KAT6A: variants seen among roughly 807,000 people sequenced by gnomAD.
KAT6A encodes lysine acetyltransferase 6A, also known as histone acetyltransferase KAT6A.
KAT6A carries 9 observed loss-of-function variants against 198.4 expected under a neutral mutation model. The observed-to-expected ratio is 0.05, with a 90% CI of 0.03 to 0.08. KAT6A has a LOEUF of 0.08. Ranked by LOEUF, KAT6A falls within the 10% of genes least tolerant of loss-of-function variation. The pLI is 1.00. For missense variants in KAT6A, 2,077 were observed against 2,509.9 expected, an observed-to-expected ratio of 0.83 and a Z score of 3.69; for synonymous variants, 890 against 883.0, an observed-to-expected ratio of 1.01 and a Z score of -0.14.
intron 2 of KAT6A, among the ~76,000 whole-genome samples, chr8:42,013,452 C>T (rs1350688995): frequency 6.6e-6 from 1 of 152,112 alleles, no homozygotes; most frequent in African/African-American, 2.4e-5. Context: ...CCAGGATGGT[C>T]TCCATCTCTT....
At chr8:41,938,856 AG>A (rs1050324943) in intron 15 of KAT6A, among the ~76,000 whole-genome samples, 2 of 146,846 alleles carry the variant, frequency 1.4e-5, no homozygotes, top group African/African-American at 5.0e-5. Context: ...CTGAGGTGGG[AG>A]CGTTGCTTGC....
At chr8:41,955,854 AC>A in intron 8 of KAT6A, among the ~76,000 whole-genome samples, 2 of 152,220 alleles carry the variant, frequency 1.3e-5, no homozygotes, top group African/African-American at 4.8e-5. Flanking sequence ...ATATGTAAGC[AC>A]ACAAAGGATG....
At chr8:41,975,875 TA>T (rs1334061359) in intron 7 of KAT6A, among the ~76,000 whole-genome samples, 1 of 152,218 alleles carries the variant, frequency 6.6e-6, no homozygotes, top group Non-Finnish European at 1.5e-5. Context: ...TACAAATGGT[TA>T]ATTCAAAAAT....
intron 2 of KAT6A, among the ~76,000 whole-genome samples, chr8:42,009,000 G>T (rs1306859573): frequency 6.6e-6 from 1 of 152,168 alleles, no homozygotes; most frequent in Non-Finnish European, 1.5e-5. Context: ...TACAGTAAAT[G>T]ACTCTGCATA....
chr8:42,013,804 T>A (rs1390181901), intron 2 of KAT6A, among the ~76,000 whole-genome samples: 1 of 152,146 alleles, frequency 6.6e-6, no homozygotes, highest in Non-Finnish European at 1.5e-5. Flanking sequence ...GGAGTTCAAT[T>A]AGGAGGCAAG....
chr8:41,985,085 C>T (rs779074707), intron 3 of KAT6A, among the ~76,000 whole-genome samples: 16 of 152,120 alleles, frequency 1.1e-4, no homozygotes, highest in African/African-American at 3.6e-4. Context: ...GCTACTTAGA[C>T]GGCAGGGCTG....
rs1564007788 is a variant in KAT6A at position 41,937,383 on chromosome 8, A to G, written c.3225T>C (p.Asp1075=). 19 of 1,614,110 alleles carry G rather than the reference A, an allele frequency of 1.2e-5. No individual in the cohort carries two copies. The highest frequency in any genetic ancestry group is 3.3e-5 in the Admixed American group (2 of 60,024). Residue 1075 remains aspartate, a synonymous_variant, in exon 16 of 17, where the codon GAT becomes GAC. Transcript: ENST00000265713. ...ATTCTCTAGGGAAAAGTTCATTTTCATCCTCTTCCTCCTCTTCTTCATCGA... is the reference window on the plus strand; with the variant it reads ...ATTCTCTAGGGAAAAGTTCATTTTCGTCCTCTTCCTCCTCTTCTTCATCGA... ...FEIDEEEEEE[D]ENELFPREYF... is the part of the protein sequence containing the mutation.
intron 2 of KAT6A, among the ~76,000 whole-genome samples, chr8:42,045,077 A>G (rs886281356): frequency 6.6e-6 from 1 of 152,216 alleles, no homozygotes; most frequent in African/African-American, 2.4e-5. Flanking sequence ...TAAACTTTTC[A>G]TATCTTTGGG....
chr8:41,941,587 T>C (rs1017166096), intron 14 of KAT6A, 143 bp from the exon 15 acceptor site: 3 of 831,612 alleles, frequency 3.6e-6, no homozygotes, highest in African/African-American at 3.4e-5. Context: ...ACATGGATAT[T>C]TCCTGTTTCA....
At chr8:41,940,695 G>A in intron 15 of KAT6A, 147 bp downstream of exon 15, 1 of 943,586 alleles carries the variant, frequency 1.1e-6, no homozygotes, top group Non-Finnish European at 1.6e-6. Flanking sequence ...GGAAGATCTT[G>A]AGCTACAATA....
intron 2 of KAT6A, among the ~76,000 whole-genome samples, chr8:42,043,043 T>G (rs1220916234): frequency 6.6e-6 from 1 of 152,116 alleles, no homozygotes; most frequent in African/African-American, 2.4e-5. Context: ...TGATACTTAA[T>G]TGTTATGAAA....
intron 3 of KAT6A, among the ~76,000 whole-genome samples, chr8:41,985,566 T>C (rs1233427699): frequency 6.6e-6 from 1 of 152,210 alleles, no homozygotes; most frequent in Non-Finnish European, 1.5e-5. Context: ...AGAGCTATTG[T>C]AATGATGGCC....
At chr8:41,965,985 C>T (rs1823464339) in intron 8 of KAT6A, among the ~76,000 whole-genome samples, 1 of 152,162 alleles carries the variant, frequency 6.6e-6, no homozygotes, top group African/African-American at 2.4e-5. Context: ...TAATTTAGCA[C>T]AACTTATTAA....
Position 42,051,935 on chromosome 8 carries a change from G to C in KAT6A, c.-360C>G, listed in dbSNP as rs1415522580. 1 of 151,460 alleles carries C rather than the reference G, an allele frequency of 6.6e-6. No individual in the cohort carries two copies. The highest frequency in any genetic ancestry group is 1.5e-5 in the Non-Finnish European group (1 of 67,750). 9.4% of individuals were successfully genotyped at this position (151,460 alleles called of 1,614,324 possible). A position where few individuals can be genotyped will look rare whatever the true frequency, so the allele number is the denominator to read the frequency against. ...GGACAGCCGAGATCCCGGGGCCCCG[G>C]GCCGGACCGCGGAGATGCCCCAAAC... is the stretch of plus-strand genomic sequence containing the variant. On this transcript the variant is annotated 5_prime_UTR_variant, in exon 1 of 17. Coordinates refer to ENST00000265713, the MANE Select transcript of KAT6A (RefSeq NM_006766.5).
intron 15 of KAT6A, 58 bp from the exon 16 acceptor site, chr8:41,937,626 A>C: frequency 7.3e-7 from 1 of 1,363,208 alleles, no homozygotes; most frequent in East Asian, 2.3e-5. Flanking sequence ...TCTATTAATA[A>C]TACGAAAACA....
At chr8:41,982,652 C>G (rs906967190) in intron 3 of KAT6A, among the ~76,000 whole-genome samples, 26 of 152,162 alleles carry the variant, frequency 1.7e-4, no homozygotes, top group African/African-American at 5.6e-4. Context: ...TTGTTAGTCA[C>G]TTAGTGGTTG....
chr8:41,994,694 TTAAC>T (rs1397875833), intron 2 of KAT6A, among the ~76,000 whole-genome samples: 9 of 152,178 alleles, frequency 5.9e-5, no homozygotes. Context: ...TTATTTATTC[TTAAC>T]TAAATGTAAC....
At chr8:42,003,421 C>A (rs565131450) in intron 2 of KAT6A, among the ~76,000 whole-genome samples, 1 of 151,756 alleles carries the variant, frequency 6.6e-6, no homozygotes, top group South Asian at 2.1e-4. Context: ...AGCCCCTCCT[C>A]CAAGCTTCCA....
intron 8 of KAT6A, among the ~76,000 whole-genome samples, chr8:41,971,863 A>G (rs1823811807): frequency 6.6e-6 from 1 of 151,878 alleles, no homozygotes; most frequent in South Asian, 2.1e-4. Context: ...AACCATTAGG[A>G]TTTGCTGATG....
Sources: gnomAD v4.1 joint callset for allele counts (sites outside exome capture counted in the v4.1 genomes callset) on GRCh38, gnomAD v4.1.1 for gene constraint, MANE v1.5 for transcripts, NCBI Gene and HGNC (gene_info 2026-07-23, HGNC 2026-07-21) for gene names.